Variants in ZNF569 observed in about 807,000 individuals in gnomAD.
ZNF569 encodes DNA-binding protein.
Under a neutral mutation model 56.3 loss-of-function variants are expected in ZNF569, and 38 were observed. The ratio of observed to expected loss-of-function variants is 0.68; its 90% CI spans 0.52 to 0.88. The LOEUF (loss-of-function observed/expected upper bound fraction) is 0.88, where lower values mean the gene tolerates loss of function less well. Among genes scored for constraint, ZNF569 ranks in the 40% least tolerant of loss-of-function variants. The pLI is 0.00. For synonymous variants in ZNF569, 241 were observed against 262.9 expected (o/e 0.92, Z 0.81); for missense variants, 666 against 809.2 (o/e 0.82, Z 2.15).
At chr19:37,423,682 T>C (rs909860399) in intron 5 of ZNF569, among the ~76,000 whole-genome samples, 2 of 152,172 alleles carry the variant, frequency 1.3e-5, no homozygotes, top group African/African-American at 4.8e-5. Flanking sequence ...CAGCTCAATA[T>C]GTTAAGAGTT....
intron 2 of ZNF569, among the ~76,000 whole-genome samples, chr19:37,463,757 G>A (rs985693702): frequency 6.6e-6 from 1 of 151,694 alleles, no homozygotes; most frequent in African/African-American, 2.4e-5. Flanking sequence ...AGACCTTCCA[G>A]TGGAACAAGA....
intron 2 of ZNF569, among the ~76,000 whole-genome samples, chr19:37,448,839 C>T (rs777974025): frequency 2.6e-5 from 4 of 152,096 alleles, no homozygotes; most frequent in Admixed American, 6.5e-5. Flanking sequence ...CCACCGCATC[C>T]GGCCTATGCT....
At chr19:37,461,612 C>G (rs1373807485) in intron 2 of ZNF569, among the ~76,000 whole-genome samples, 1 of 152,054 alleles carries the variant, frequency 6.6e-6, no homozygotes. Flanking sequence ...GCCCATCCTT[C>G]TATGTCTCAC....
intron 2 of ZNF569, among the ~76,000 whole-genome samples, chr19:37,452,521 T>A (rs2041611362): frequency 6.6e-6 from 1 of 150,654 alleles, no homozygotes; most frequent in Non-Finnish European, 1.5e-5. Flanking sequence ...AGTCTTTCTC[T>A]CATCATCATT....
chr19:37,428,672 A>C (rs2041175625), intron 3 of ZNF569, among the ~76,000 whole-genome samples: 2 of 151,348 alleles, frequency 1.3e-5, no homozygotes, highest in Non-Finnish European at 2.9e-5. Context: ...TCTGTGGTTG[A>C]ATTTTTTTTT....
intron 2 of ZNF569, among the ~76,000 whole-genome samples, chr19:37,446,434 C>T (rs1381614177): frequency 2.0e-5 from 3 of 151,676 alleles, no homozygotes; most frequent in Non-Finnish European, 2.9e-5. Context: ...CCTGTAATCC[C>T]AGCTACTTGG....
rs2146851402 is a variant in ZNF569 at position 37,413,860 on chromosome 19, T to G, written c.798A>C (p.Gly266=). The part of the protein sequence containing the change: ...NLIRHQRIHT[G]EKPYACKECE... ...ATTCCTTACATGCATAGGGCTTCTC[T>G]CCAGTATGAATTCTTTGATGTCTAA... Residue 266 remains glycine, a synonymous_variant, in exon 6 of 6, where the codon GGA becomes GGC. Transcript: ENST00000316950. 2 of 1,613,550 alleles carry G rather than the reference T, an allele frequency of 1.2e-6. No homozygotes were observed. Among genetic ancestry groups the G allele is most frequent in the Non-Finnish European group, 1.7e-6 (2 of 1,179,942 alleles).
At chr19:37,426,112 A>G in intron 4 of ZNF569, 140 bp downstream of exon 4, 2 of 1,277,038 alleles carry the variant, frequency 1.6e-6, no homozygotes, top group South Asian at 1.4e-5. Flanking sequence ...AAACTGCAGC[A>G]TGGACATTCA....
intron 2 of ZNF569, among the ~76,000 whole-genome samples, chr19:37,445,839 G>A (rs913342759): frequency 1.3e-5 from 2 of 152,174 alleles, no homozygotes; most frequent in South Asian, 4.2e-4. Context: ...TCATGGATGG[G>A]TATAATCAAT....
intron 3 of ZNF569, among the ~76,000 whole-genome samples, chr19:37,427,503 A>G (rs1180218910): frequency 6.6e-6 from 1 of 152,234 alleles, no homozygotes; most frequent in African/African-American, 2.4e-5. Context: ...CATATTTCCT[A>G]CTGTTTCAGG....
At chr19:37,459,087 C>A (rs1268046460) in intron 2 of ZNF569, among the ~76,000 whole-genome samples, 4 of 152,046 alleles carry the variant, frequency 2.6e-5, no homozygotes, top group Admixed American at 1.3e-4. Flanking sequence ...AAACAGACAT[C>A]TATTTTCCCA....
At chr19:37,425,240 C>T (rs1306885664) in intron 5 of ZNF569, among the ~76,000 whole-genome samples, 1 of 151,920 alleles carries the variant, frequency 6.6e-6, no homozygotes, top group East Asian at 1.9e-4. Flanking sequence ...TAGCCTCAAC[C>T]TCCTAGGCTC....
intron 2 of ZNF569, among the ~76,000 whole-genome samples, chr19:37,457,065 T>G (rs2041683714): frequency 0.022 from 1 of 46 alleles, no homozygotes; most frequent in African/African-American, 0.12. Context: ...TAATCTATAT[T>G]CAGCATTGCC....
At chr19:37,448,686 C>G (rs944950184) in intron 2 of ZNF569, among the ~76,000 whole-genome samples, 1 of 151,088 alleles carries the variant, frequency 6.6e-6, no homozygotes, top group African/African-American at 2.4e-5. Context: ...GCCTCAGCCT[C>G]GCGAGTAGCT....
At chr19:37,442,156 A>G (rs551673653) in intron 3 of ZNF569, among the ~76,000 whole-genome samples, 30 of 152,342 alleles carry the variant, frequency 2.0e-4, no homozygotes, top group African/African-American at 7.2e-4. Flanking sequence ...AAGCAAGTGA[A>G]TAAGTGAGAT....
rs180745996 is a variant in ZNF569, at chr19:37,439,259, C to T, written c.15+5648G>A. On this transcript the variant is annotated intron_variant, in intron 3 of 5. Coordinates refer to ENST00000316950, the MANE Select transcript of ZNF569 (RefSeq NM_152484.3). ...CTCATTTTCGTATTCTTAGTAGAGA[C>T]GGGGTTTCACCATGTTGACCAGGCT... Among the ~76,000 whole-genome samples, 1,009 of 152,212 alleles carry T rather than the reference C, an allele frequency of 6.6e-3. 4 individuals are homozygous for T. Among genetic ancestry groups the T allele is most frequent in the Non-Finnish European group, 0.011 (760 of 68,008 alleles).
At chr19:37,460,169 A>C (rs2041734520) in intron 2 of ZNF569, among the ~76,000 whole-genome samples, 1 of 152,112 alleles carries the variant, frequency 6.6e-6, no homozygotes, top group South Asian at 2.1e-4. Flanking sequence ...TTTGAGACAG[A>C]GTTTCACTGG....
chr19:37,433,736 T>C (rs1044706188), intron 3 of ZNF569, among the ~76,000 whole-genome samples: 1 of 152,074 alleles, frequency 6.6e-6, no homozygotes, highest in African/African-American at 2.4e-5. Flanking sequence ...ACTTTTATGC[T>C]AGAATAGTAT....
At chr19:37,422,406 A>C (rs901229841) in intron 5 of ZNF569, among the ~76,000 whole-genome samples, 2 of 152,194 alleles carry the variant, frequency 1.3e-5, no homozygotes, top group East Asian at 1.9e-4. Context: ...TGGCACCCCA[A>C]AACAATGACA....
Sources: allele counts gnomAD v4.1 joint callset (sites outside exome capture counted in the v4.1 genomes callset), GRCh38; gene constraint gnomAD v4.1.1; transcripts MANE v1.5; gene names NCBI Gene and HGNC (gene_info 2026-07-23, HGNC 2026-07-21).